KLC1: variants seen among roughly 807,000 people sequenced by gnomAD.
KLC1 encodes the protein kinesin 2 60/70kDa.
Under a neutral mutation model 84.2 loss-of-function variants are expected in KLC1, and 30 were observed. The observed-to-expected ratio is 0.36, with a 90% CI of 0.27 to 0.48. KLC1 has a LOEUF of 0.48. Ranked by LOEUF, KLC1 falls within the 20% of genes least tolerant of loss-of-function variation. The pLI is 0.99. For synonymous variants in KLC1, 289 were observed against 293.3 expected, an observed-to-expected ratio of 0.99 and a Z score of 0.15; for missense variants, 499 against 805.4, an observed-to-expected ratio of 0.62 and a Z score of 4.60.
intron 1 of KLC1, among the ~76,000 whole-genome samples, chr14:103,639,321 G>A (rs145705703): frequency 0.021 from 3,252 of 151,936 alleles, 106 homozygotes; most frequent in African/African-American, 0.074. Context: ...AGTAGAGATG[G>A]GGTTTCACCA....
At chr14:103,695,969 T>G in intron 15 of KLC1, 1 of 985,428 alleles carries the variant, frequency 1.0e-6, no homozygotes, top group Non-Finnish European at 1.2e-6. Flanking sequence ...AATTTTTCCC[T>G]TCAGAGGAGA....
chr14:103,635,423 A>G (rs74469183), intron 1 of KLC1, among the ~76,000 whole-genome samples: 2,611 of 152,242 alleles, frequency 0.017, 67 homozygotes, highest in African/African-American at 0.056. Context: ...CCAGGAGTTC[A>G]AACTAGCTTG....
intron 15 of KLC1, chr14:103,696,468 T>C: frequency 3.0e-6 from 3 of 984,532 alleles, no homozygotes; most frequent in Non-Finnish European, 3.6e-6. Flanking sequence ...TTGCTAATGA[T>C]GTATCGTTAC....
intron 5 of KLC1, among the ~76,000 whole-genome samples, chr14:103,664,929 G>A (rs552184099): frequency 6.6e-6 from 1 of 150,636 alleles, no homozygotes; most frequent in East Asian, 1.9e-4. Flanking sequence ...AGCATAACTA[G>A]GTTTTTGTTG....
At chr14:103,666,862 T>A (rs1259786535) in intron 5 of KLC1, among the ~76,000 whole-genome samples, 1 of 151,276 alleles carries the variant, frequency 6.6e-6, no homozygotes, top group African/African-American at 2.4e-5. Context: ...TTGCAACCTC[T>A]GCCTCCCAGG....
intron 1 of KLC1, 72 bp from the exon 2 acceptor site, chr14:103,654,492 C>G (rs2078698962): frequency 7.8e-7 from 1 of 1,288,888 alleles, no homozygotes; most frequent in South Asian, 1.6e-5. Context: ...AAAAAATTTT[C>G]ATATTTACTT....
At chr14:103,644,346 G>A (rs2077733190) in intron 1 of KLC1, among the ~76,000 whole-genome samples, 1 of 148,046 alleles carries the variant, frequency 6.8e-6, no homozygotes, top group African/African-American at 2.5e-5. Flanking sequence ...TGCAACCTCC[G>A]CCTCCCGAGT....
intron 3 of KLC1, among the ~76,000 whole-genome samples, chr14:103,661,909 A>G (rs1012011402): frequency 6.6e-5 from 10 of 152,346 alleles, no homozygotes; most frequent in African/African-American, 2.2e-4. Context: ...TCTGCACTCA[A>G]GTATTTGTAT....
At chr14:103,681,593 G>A (rs926586967) in intron 13 of KLC1, among the ~76,000 whole-genome samples, 1 of 151,942 alleles carries the variant, frequency 6.6e-6, no homozygotes. Flanking sequence ...TGAGGAGCTG[G>A]GATTACAGGT....
At chr14:103,660,542 A>G (rs1055914241) in intron 3 of KLC1, among the ~76,000 whole-genome samples, 1 of 151,780 alleles carries the variant, frequency 6.6e-6, no homozygotes, top group Admixed American at 6.6e-5. Context: ...TAATCCCAAC[A>G]TTTTGGGAGG....
At chr14:103,638,439 G>A (rs1267862930) in intron 1 of KLC1, among the ~76,000 whole-genome samples, 3 of 151,592 alleles carry the variant, frequency 2.0e-5, no homozygotes, top group Non-Finnish European at 4.4e-5. Flanking sequence ...GCAGTGCAGT[G>A]ATTTTTAATG....
rs568918317 is a variant in KLC1, at chr14:103,696,621, C to T, written c.1849-4034C>T. The T allele has an allele frequency of 1.8e-3, 1,778 of 985,484 alleles. 1 individual carries two copies. The highest frequency in any genetic ancestry group is 1.9e-3 in the Non-Finnish European group (1,601 of 829,962). 61.0% of individuals were successfully genotyped at this position (985,484 alleles called of 1,614,324 possible). A position where few individuals can be genotyped will look rare whatever the true frequency, so the allele number is the denominator to read the frequency against. On this transcript the variant is annotated intron_variant, in intron 15 of 16. Coordinates refer to ENST00000334553, the MANE Select transcript of KLC1 (RefSeq NM_001394837.1). ...CTGTAGAGCACTTACCAGCTCTGAC[C>T]GTGTCTTGCTGGGGCCAGCAGGCTG...
chr14:103,675,139 A>G (rs1380866284), intron 9 of KLC1, among the ~76,000 whole-genome samples: 1 of 152,178 alleles, frequency 6.6e-6, no homozygotes, highest in Non-Finnish European at 1.5e-5. Flanking sequence ...CCTGGCCAAC[A>G]TGACGAAACC....
chr14:103,652,182 A>G (rs746820318), intron 1 of KLC1, among the ~76,000 whole-genome samples: 1 of 152,216 alleles, frequency 6.6e-6, no homozygotes, highest in Non-Finnish European at 1.5e-5. Context: ...CCTCCTCCTG[A>G]AGACCCTTCC....
intron 1 of KLC1, among the ~76,000 whole-genome samples, chr14:103,650,374 C>T (rs2078328753): frequency 6.6e-6 from 1 of 151,976 alleles, no homozygotes; most frequent in South Asian, 2.1e-4. Context: ...TATTGCATGC[C>T]CGTGGGTTGC....
chr14:103,651,678 T>TAGAGG (rs2078456184), intron 1 of KLC1, among the ~76,000 whole-genome samples: 1 of 152,236 alleles, frequency 6.6e-6, no homozygotes, highest in Non-Finnish European at 1.5e-5. Flanking sequence ...GCTGCTCCTC[T>TAGAGG]AGCCTTGGTA....
rs373751828 is a variant in KLC1, at chr14:103,675,568, C to T, written c.1278C>T (p.Ile426=). The T allele has an allele frequency of 2.1e-5, 34 of 1,612,506 alleles. No individual in the cohort carries two copies. Among genetic ancestry groups the T allele is most frequent in the Non-Finnish European group, 2.7e-5 (32 of 1,179,562 alleles). ...FGSVDDENKP[I]WMHAEEREEC... ...CTTCCCTAGATGAAAATAAACCCATCTGGATGCATGCTGAAGAAAGAGAAG... is the reference window on the plus strand; with the variant it reads ...CTTCCCTAGATGAAAATAAACCCATTTGGATGCATGCTGAAGAAAGAGAAG... The change falls in exon 10 of 17, where the codon ATC becomes ATT. Residue 426 remains isoleucine (I), a synonymous_variant. Transcript: ENST00000334553.
chr14:103,671,409 G>A (rs1041888757), intron 7 of KLC1, among the ~76,000 whole-genome samples: 3 of 151,610 alleles, frequency 2.0e-5, no homozygotes, highest in Non-Finnish European at 2.9e-5. Context: ...TTGCTGTGTC[G>A]CCCAGGCTGG....
At chr14:103,686,989 C>T (rs1595558158) in intron 13 of KLC1, 92 bp from the exon 14 acceptor site, 2 of 995,280 alleles carry the variant, frequency 2.0e-6, no homozygotes, top group Non-Finnish European at 2.9e-6. Context: ...AGCAGGGCGG[C>T]CTTGGTGGAG....
Sources: allele counts gnomAD v4.1 joint callset (sites outside exome capture counted in the v4.1 genomes callset), GRCh38; gene constraint gnomAD v4.1.1; transcripts MANE v1.5; gene names NCBI Gene and HGNC (gene_info 2026-07-23, HGNC 2026-07-21).